MTUS2: variants seen among roughly 807,000 people sequenced by gnomAD.
MTUS2 encodes microtubule-associated tumor suppressor candidate 2.
A neutral mutation model predicts 114.1 loss-of-function variants in MTUS2; 40 were observed. That is an observed-to-expected ratio of 0.35 (90% CI 0.27 to 0.46). MTUS2 has a LOEUF of 0.46. MTUS2 is among the 20% of genes least tolerant of loss of function. MTUS2 has a pLI of 1.00. For synonymous variants in MTUS2, 688 were observed against 672.0 expected, an observed-to-expected ratio of 1.02 and a Z score of -0.37; for missense variants, 1,679 against 1,705.4, an observed-to-expected ratio of 0.98 and a Z score of 0.27.
rs189450900 is a variant in MTUS2, at chr13:29,351,212, A to G, written c.2906-8050A>G. 2.6e-5 allele frequency among the ~76,000 whole-genome samples: 4 copies of G among 151,996 alleles called. No homozygotes were observed. In the East Asian group the frequency reaches 7.8e-4, roughly 30 times the overall value. On this transcript the variant is annotated intron_variant, in intron 7 of 15. Coordinates refer to ENST00000612955, the MANE Select transcript of MTUS2 (RefSeq NM_001033602.4). ...TTGATGATGATGCTTCTTTTTTCAG[A>G]TTACTGAATATCAAAGAAAATCAAC...
chr13:29,015,846 C>G (rs934708503), intron 2 of MTUS2, among the ~76,000 whole-genome samples: 1 of 151,272 alleles, frequency 6.6e-6, no homozygotes, highest in Non-Finnish European at 1.5e-5. Context: ...TGTATAAAAA[C>G]AAAAAAACAA....
intron 2 of MTUS2, among the ~76,000 whole-genome samples, chr13:28,909,983 A>G (rs570814378): frequency 2.2e-4 from 33 of 152,256 alleles, no homozygotes; most frequent in African/African-American, 3.6e-4. Flanking sequence ...TAATAATCAC[A>G]TAACAGAAAA....
chr13:29,278,893 T>G (rs1898165139), intron 5 of MTUS2, among the ~76,000 whole-genome samples: 1 of 152,206 alleles, frequency 6.6e-6, no homozygotes, highest in Admixed American at 6.5e-5. Flanking sequence ...ACCTCAATCC[T>G]TTCCTTTCTT....
intron 2 of MTUS2, among the ~76,000 whole-genome samples, chr13:28,977,520 A>T (rs1320319424): frequency 6.6e-6 from 1 of 152,182 alleles, no homozygotes; most frequent in African/African-American, 2.4e-5. Context: ...ATAACCTACG[A>T]GGTAATTGGT....
At chr13:29,122,780 A>C (rs1205683363) in intron 5 of MTUS2, among the ~76,000 whole-genome samples, 1 of 152,184 alleles carries the variant, frequency 6.6e-6, no homozygotes, top group African/African-American at 2.4e-5. Flanking sequence ...GAAACAGAAA[A>C]AAAGACTAAA....
intron 8 of MTUS2, among the ~76,000 whole-genome samples, chr13:29,366,009 T>C (rs1191915966): frequency 6.6e-6 from 1 of 152,204 alleles, no homozygotes; most frequent in East Asian, 1.9e-4. Context: ...AGTTTTTCTA[T>C]AAAATGGAGT....
chr13:29,019,476 T>A (rs1179567500), intron 2 of MTUS2, among the ~76,000 whole-genome samples: 1 of 152,124 alleles, frequency 6.6e-6, no homozygotes, highest in African/African-American at 2.4e-5. Flanking sequence ...CGATGAAAAA[T>A]TAAGGATGGG....
At chr13:29,313,164 T>C (rs1319886356) in intron 6 of MTUS2, among the ~76,000 whole-genome samples, 1 of 152,068 alleles carries the variant, frequency 6.6e-6, no homozygotes, top group East Asian at 1.9e-4. Flanking sequence ...GTGAAGGATG[T>C]GTTGGAGTAG....
chr13:29,088,741 G>A (rs189472989), intron 4 of MTUS2, among the ~76,000 whole-genome samples: 1 of 152,164 alleles, frequency 6.6e-6, no homozygotes, highest in Admixed American at 6.5e-5. Flanking sequence ...ATAATAGTGG[G>A]CTTATTAAAT....
At chr13:29,206,167 A>T (rs1051865194) in intron 5 of MTUS2, among the ~76,000 whole-genome samples, 2 of 152,128 alleles carry the variant, frequency 1.3e-5, no homozygotes, top group African/African-American at 4.8e-5. Flanking sequence ...ATTAGTGATG[A>T]TGAACATTTT....
intron 5 of MTUS2, among the ~76,000 whole-genome samples, chr13:29,225,987 G>A (rs927157936): frequency 4.6e-5 from 7 of 152,140 alleles, no homozygotes; most frequent in African/African-American, 1.7e-4. Context: ...GAATTGATAT[G>A]TCCTTTAGAA....
chr13:28,908,971 G>A (rs934051750), intron 2 of MTUS2, among the ~76,000 whole-genome samples: 1 of 151,550 alleles, frequency 6.6e-6, no homozygotes, highest in African/African-American at 2.4e-5. Context: ...TCTTGTTTTT[G>A]TCAGGTTTGT....
chr13:29,196,845 T>G (rs1894723797), intron 5 of MTUS2, among the ~76,000 whole-genome samples: 1 of 152,232 alleles, frequency 6.6e-6, no homozygotes, highest in African/African-American at 2.4e-5. Flanking sequence ...TTGCTTATCC[T>G]TTCATCTGTG....
intron 5 of MTUS2, among the ~76,000 whole-genome samples, chr13:29,136,619 T>A (rs1486226900): frequency 6.6e-6 from 1 of 152,060 alleles, no homozygotes; most frequent in African/African-American, 2.4e-5. Flanking sequence ...TCTCAGGGAG[T>A]TTCTGGATAG....
At chr13:28,946,302 T>TGCGCGC in intron 2 of MTUS2, among the ~76,000 whole-genome samples, 1 of 108,872 alleles carries the variant, frequency 9.2e-6, no homozygotes, top group African/African-American at 3.5e-5. Context: ...TGTGTGTGTG[T>TGCGCGC]GTGCGCGCGC....
At chr13:29,174,853 T>G (rs1893706529) in intron 5 of MTUS2, among the ~76,000 whole-genome samples, 2 of 152,222 alleles carry the variant, frequency 1.3e-5, no homozygotes, top group Admixed American at 6.5e-5. Flanking sequence ...ACTTACATTT[T>G]ATAAAGTTTA....
At chr13:29,236,138 T>G (rs569842999) in intron 5 of MTUS2, among the ~76,000 whole-genome samples, 1 of 152,144 alleles carries the variant, frequency 6.6e-6, no homozygotes, top group South Asian at 2.1e-4. Context: ...CTCCTCTAAT[T>G]TATTGTTATT....
At chr13:29,223,164 C>T (rs974302949) in intron 5 of MTUS2, among the ~76,000 whole-genome samples, 2 of 152,172 alleles carry the variant, frequency 1.3e-5, no homozygotes, top group Non-Finnish European at 2.9e-5. Flanking sequence ...CCTGGGGGCC[C>T]AGGCTGCCAG....
At chr13:29,022,459 G>C (rs1338641154) in intron 2 of MTUS2, among the ~76,000 whole-genome samples, 2 of 152,150 alleles carry the variant, frequency 1.3e-5, no homozygotes, top group Non-Finnish European at 2.9e-5. Flanking sequence ...CAAAGCGTTG[G>C]GATTACAGGT....
Sources: gnomAD v4.1 joint callset for allele counts (sites outside exome capture counted in the v4.1 genomes callset) on GRCh38, gnomAD v4.1.1 for gene constraint, MANE v1.5 for transcripts, NCBI Gene and HGNC (gene_info 2026-07-23, HGNC 2026-07-21) for gene names.